Variants in AMOT observed in about 807,000 individuals in gnomAD.
The protein encoded by AMOT is angiomotin.
Under a neutral mutation model 67.0 loss-of-function variants are expected in AMOT, and 11 were observed. The ratio of observed to expected loss-of-function variants is 0.16; its 90% CI spans 0.10 to 0.27. The LOEUF (loss-of-function observed/expected upper bound fraction) is 0.27, where lower values mean the gene tolerates loss of function less well. Among genes scored for constraint, AMOT ranks in the 10% least tolerant of loss-of-function variants. The pLI is 1.00. For missense variants in AMOT, 753 were observed against 852.0 expected, an observed-to-expected ratio of 0.88 and a Z score of 1.45; for synonymous variants, 326 against 321.4, an observed-to-expected ratio of 1.01 and a Z score of -0.15.
chrX:112,786,668 A>G (rs1225451317), intron 10 of AMOT, among the ~76,000 whole-genome samples: 1 of 112,119 alleles, frequency 8.9e-6, no homozygotes, highest in Non-Finnish European at 1.9e-5. Context: ...TTCCTATTTT[A>G]CCATCTTTGA....
At chrX:112,793,313 T>C (rs1340924343) in intron 8 of AMOT, among the ~76,000 whole-genome samples, 1 of 111,623 alleles carries the variant, frequency 9.0e-6, no homozygotes, top group Non-Finnish European at 1.9e-5. Context: ...TTTCAACAAA[T>C]TCCCAAGCTC....
chrX:112,797,240 T>C lies in AMOT; in HGVS notation c.1777-5259A>G, dbSNP rs751485084. ...CATTCTTCCCTCTTTCCTTTGTCTA[T>C]CATATCCAATCTACTACTATGTCTT... On this transcript the variant is annotated intron_variant, in intron 8 of 13. Coordinates refer to ENST00000371959, the MANE Select transcript of AMOT (RefSeq NM_001113490.2). 4.5e-5 allele frequency among the ~76,000 whole-genome samples: 5 copies of C among 111,771 alleles called. No homozygotes were observed. The South Asian group carries it at 1.9e-3, about 42-fold the overall frequency.
At chrX:112,784,097 AAAG>A (rs1933290097) in intron 10 of AMOT, among the ~76,000 whole-genome samples, 1 of 112,268 alleles carries the variant, frequency 8.9e-6, no homozygotes, top group Non-Finnish European at 1.9e-5. Flanking sequence ...CAAGAAGGGG[AAAG>A]AATACAATGG....
Position 112,838,292 on chromosome X carries a change from A to C in AMOT, c.-289+2160T>G, listed in dbSNP as rs370984282. On this transcript the variant is annotated intron_variant, in intron 1 of 13. Coordinates refer to ENST00000371959, the MANE Select transcript of AMOT (RefSeq NM_001113490.2). ...AGTGTGAGAAACCCCTCTTGTCTCC[A>C]AATGGAAAAAAAGGCCTTAAAAAGC... Among the ~76,000 whole-genome samples, 4 of 111,997 alleles carry C rather than the reference A, an allele frequency of 3.6e-5. No individual in the cohort carries two copies. The East Asian group carries it at 8.4e-4, about 24-fold the overall frequency.
chrX:112,797,886 G>C (rs866761263), intron 8 of AMOT, among the ~76,000 whole-genome samples: 7 of 106,668 alleles, frequency 6.6e-5, no homozygotes, highest in Admixed American at 6.0e-4. Flanking sequence ...AAGAAAGAGA[G>C]AGAGAGAAAG....
In AMOT at chrX:112,790,757, T is replaced by C. The variant is rs747740507; in HGVS notation, c.1952A>G (p.Asn651Ser). The change falls in exon 10 of 14, where the codon AAC (asparagine) becomes AGC (serine). Residue 651 changes from asparagine (N) to serine (S), a missense_variant. By Grantham distance (46) the Asn-to-Ser change is conservative. Transcript: ENST00000371959. Reference sequence around the variant, plus strand: ...TGCAGCAGCATTGTATTCTGAAACGTTGGTGGGCTGACAGTTGCCCTGACG... The same window carrying C: ...TGCAGCAGCATTGTATTCTGAAACGCTGGTGGGCTGACAGTTGCCCTGACG... ...QQRQGNCQPTNVSEYNAAALM... is the reference protein window; with the variant it reads ...QQRQGNCQPTSVSEYNAAALM... 87 of 1,193,917 alleles carry C rather than the reference T, an allele frequency of 7.3e-5. No homozygotes were observed. The highest frequency in any genetic ancestry group is 9.4e-5 in the South Asian group (5 of 53,113).
chrX:112,778,794 C>T, intron 13 of AMOT, 130 bp from the exon 14 acceptor site: 1 of 711,823 alleles, frequency 1.4e-6, no homozygotes, highest in Non-Finnish European at 2.1e-6. Flanking sequence ...CCCTCATTTA[C>T]TTCTGCTAAG....
In AMOT at chrX:112,777,849, T is replaced by C. The variant is rs1932976842; in HGVS notation, c.*718A>G. 8.9e-6 allele frequency: 1 copy of C among 112,103 alleles called. No homozygotes were observed. The highest frequency in any genetic ancestry group is 1.9e-5 in the Non-Finnish European group (1 of 53,208). 9.2% of individuals were successfully genotyped at this position (112,103 alleles called of 1,213,427 possible). ...GTACTCTCCCAGCATCTGAAAGCAATATATTAATTATCCAAATGCATAAAT... is the reference window on the plus strand; with the variant it reads ...GTACTCTCCCAGCATCTGAAAGCAACATATTAATTATCCAAATGCATAAAT... On this transcript the variant is annotated 3_prime_UTR_variant, in exon 14 of 14. Coordinates refer to ENST00000371959, the MANE Select transcript of AMOT (RefSeq NM_001113490.2).
chrX:112,806,344 A>T (rs1368899088), intron 7 of AMOT, among the ~76,000 whole-genome samples: 1 of 97,622 alleles, frequency 1.0e-5, no homozygotes, highest in Non-Finnish European at 2.0e-5. Flanking sequence ...ATGTATATAT[A>T]CATATGTATA....
intron 7 of AMOT, among the ~76,000 whole-genome samples, chrX:112,807,712 G>C (rs181044099): frequency 7.8e-4 from 87 of 112,047 alleles, no homozygotes; most frequent in African/African-American, 2.5e-3. Flanking sequence ...ATTTATTTAA[G>C]TGAAAGAAAT....
At chrX:112,822,219 T>C (rs1934733463) in intron 4 of AMOT, 36 bp downstream of exon 4, 2 of 1,072,244 alleles carry the variant, frequency 1.9e-6, no homozygotes, top group Middle Eastern at 2.5e-4. Context: ...TGGTTGGGGA[T>C]GAGGTCAGGA....
chrX:112,783,158 G>A (rs777467922), intron 10 of AMOT, among the ~76,000 whole-genome samples: 3 of 109,680 alleles, frequency 2.7e-5, no homozygotes, highest in Non-Finnish European at 5.7e-5. Context: ...AGCCAGGCAT[G>A]GTGGTGCACG....
chrX:112,805,360 A>T (rs1395683160), intron 7 of AMOT, among the ~76,000 whole-genome samples: 1 of 79,535 alleles, frequency 1.3e-5, no homozygotes, highest in Non-Finnish European at 2.4e-5. Flanking sequence ...ATTAGGCATT[A>T]TACAAAGAAT....
chrX:112,834,073 A>G (rs1182869438), intron 1 of AMOT, among the ~76,000 whole-genome samples: 2 of 112,141 alleles, frequency 1.8e-5, no homozygotes, highest in African/African-American at 6.5e-5. Context: ...TTCCCTTAAA[A>G]ATAATTTTCA....
intron 8 of AMOT, among the ~76,000 whole-genome samples, chrX:112,802,814 G>C (rs1934056451): frequency 8.9e-6 from 1 of 112,501 alleles, no homozygotes; most frequent in African/African-American, 3.2e-5. Context: ...AAAAGCCTCA[G>C]AAGTCTGAAG....
At chrX:112,819,225 C>A (rs73636629) in intron 4 of AMOT, 7,957 of 339,226 alleles carry the variant, frequency 0.023, 621 homozygotes, top group African/African-American at 0.21. Context: ...TGCATGCACA[C>A]ACACACTCCA....
At chrX:112,833,420 C>G (rs1602845684) in intron 1 of AMOT, among the ~76,000 whole-genome samples, 1 of 106,929 alleles carries the variant, frequency 9.4e-6, no homozygotes, top group Non-Finnish European at 1.9e-5. Flanking sequence ...CATCATGTTC[C>G]CCTAACCAAA....
At chrX:112,809,656 C>G in intron 7 of AMOT, among the ~76,000 whole-genome samples, 1 of 110,914 alleles carries the variant, frequency 9.0e-6, no homozygotes, top group Admixed American at 9.5e-5. Context: ...AGGGGCTTCT[C>G]TAGTTTAATG....
At chrX:112,790,571 C>A (rs1048147392) in intron 10 of AMOT, 21 bp downstream of exon 10, 3 of 1,168,518 alleles carry the variant, frequency 2.6e-6, no homozygotes, top group Non-Finnish European at 3.4e-6. Context: ...CCCACTCATG[C>A]CCTACCAGCT....
Sources: gnomAD v4.1 joint callset for allele counts (sites outside exome capture counted in the v4.1 genomes callset) on GRCh38, gnomAD v4.1.1 for gene constraint, MANE v1.5 for transcripts, NCBI Gene and HGNC (gene_info 2026-07-23, HGNC 2026-07-21) for gene names.